Variants in JAZF1 observed in about 807,000 individuals in gnomAD.
JAZF1 encodes juxtaposed with another zinc finger protein 1.
JAZF1 carries 8 observed loss-of-function variants against 26.4 expected under a neutral mutation model. The ratio of observed to expected loss-of-function variants is 0.30; its 90% CI spans 0.18 to 0.55. The LOEUF (loss-of-function observed/expected upper bound fraction) is 0.55. JAZF1 is among the 20% of genes least tolerant of loss of function. The pLI is 0.94. For missense variants in JAZF1, 199 were observed against 322.0 expected, an observed-to-expected ratio of 0.62 and a Z score of 2.92; for synonymous variants, 126 against 122.3, an observed-to-expected ratio of 1.03 and a Z score of -0.20.
chr7:27,996,688 C>T (rs1202022335), intron 1 of JAZF1, among the ~76,000 whole-genome samples: 1 of 152,208 alleles, frequency 6.6e-6, no homozygotes, highest in Non-Finnish European at 1.5e-5. Flanking sequence ...TCCTCTTCCT[C>T]ACTCTGCACC....
intron 2 of JAZF1, among the ~76,000 whole-genome samples, chr7:27,959,160 C>T (rs1418844274): frequency 6.6e-6 from 1 of 152,210 alleles, no homozygotes; most frequent in East Asian, 1.9e-4. Context: ...CTGTCCAAGG[C>T]CACACACAGA....
chr7:28,043,307 T>C (rs1583526663), intron 1 of JAZF1, among the ~76,000 whole-genome samples: 1 of 152,156 alleles, frequency 6.6e-6, no homozygotes, highest in East Asian at 1.9e-4. Context: ...ATGCCAACTG[T>C]TGTGAGTCTG....
intron 1 of JAZF1, among the ~76,000 whole-genome samples, chr7:28,108,810 A>G (rs986132560): frequency 2.6e-5 from 4 of 152,244 alleles, no homozygotes; most frequent in African/African-American, 9.6e-5. Context: ...CTAAGTGTCC[A>G]TCGATGGATA....
At chr7:28,066,745 T>A (rs866874422) in intron 1 of JAZF1, among the ~76,000 whole-genome samples, 21 of 152,120 alleles carry the variant, frequency 1.4e-4, no homozygotes, top group African/African-American at 4.3e-4. Flanking sequence ...AGCTCACGGT[T>A]ACCACCTAAT....
At chr7:28,087,099 G>A (rs982717825) in intron 1 of JAZF1, among the ~76,000 whole-genome samples, 1 of 152,122 alleles carries the variant, frequency 6.6e-6, no homozygotes, top group African/African-American at 2.4e-5. Context: ...ACTGACCTAA[G>A]TAGGTTTTTA....
intron 2 of JAZF1, among the ~76,000 whole-genome samples, chr7:27,986,652 T>TCC (rs1785717855): frequency 4.8e-5 from 5 of 103,888 alleles, no homozygotes; most frequent in Non-Finnish European, 8.0e-5. Flanking sequence ...CCTCCCCCTC[T>TCC]CCCTCCCTCT....
intron 3 of JAZF1, among the ~76,000 whole-genome samples, chr7:27,857,324 C>T (rs1181117204): frequency 6.6e-6 from 1 of 152,342 alleles, no homozygotes; most frequent in East Asian, 1.9e-4. Flanking sequence ...CCGCCGAGCC[C>T]ACGCCCACCC....
At chr7:27,962,705 AG>A (rs965226372) in intron 2 of JAZF1, among the ~76,000 whole-genome samples, 6 of 152,246 alleles carry the variant, frequency 3.9e-5, no homozygotes, top group Non-Finnish European at 8.8e-5. Flanking sequence ...AAGATATGCA[AG>A]GGCTTCCCTA....
chr7:27,961,375 A>G (rs1357878762), intron 2 of JAZF1, among the ~76,000 whole-genome samples: 1 of 152,230 alleles, frequency 6.6e-6, no homozygotes, highest in Non-Finnish European at 1.5e-5. Flanking sequence ...TGATGTGTAT[A>G]TGAAACGTAA....
chr7:27,850,480 C>T (rs966995867), intron 3 of JAZF1, among the ~76,000 whole-genome samples: 3 of 152,130 alleles, frequency 2.0e-5, no homozygotes, highest in East Asian at 3.8e-4. Context: ...ATTGCCAGCC[C>T]GGTGTTGGAT....
At chr7:27,950,398 C>G (rs139078265) in intron 2 of JAZF1, among the ~76,000 whole-genome samples, 213 of 152,270 alleles carry the variant, frequency 1.4e-3, no homozygotes, top group African/African-American at 4.8e-3. Flanking sequence ...GATCCATTGC[C>G]TTGGAATGCC....
chr7:27,904,565 A>C (rs1009236779), intron 2 of JAZF1, among the ~76,000 whole-genome samples: 1 of 152,210 alleles, frequency 6.6e-6, no homozygotes. Context: ...TAATGCTTTA[A>C]ATAATCCTAT....
Position 28,111,710 on chromosome 7 carries a change from T to C in JAZF1, c.115+68753A>G, listed in dbSNP as rs1784663805. On this transcript the variant is annotated intron_variant, in intron 1 of 4. Transcript: ENST00000283928. Reference sequence around the variant, plus strand: ...TACTTATTATTAGCATAGATACCTATGGATCAGAAAACCTAATAACAACAA... The same window carrying C: ...TACTTATTATTAGCATAGATACCTACGGATCAGAAAACCTAATAACAACAA... Among the ~76,000 whole-genome samples, 3 of 152,234 alleles carry C rather than the reference T, an allele frequency of 2.0e-5. No individual in the cohort carries two copies. The South Asian group carries it at 6.2e-4, about 31-fold the overall frequency.
intron 1 of JAZF1, among the ~76,000 whole-genome samples, chr7:28,085,099 C>T (rs1784193922): frequency 6.6e-6 from 1 of 152,140 alleles, no homozygotes; most frequent in Non-Finnish European, 1.5e-5. Flanking sequence ...TATAAATTAC[C>T]CAGTATCATG....
chr7:27,980,193 T>C (rs911541504), intron 2 of JAZF1, among the ~76,000 whole-genome samples: 1 of 152,210 alleles, frequency 6.6e-6, no homozygotes, highest in Admixed American at 6.5e-5. Context: ...CTGTGTAGGT[T>C]TGAACCCAAT....
chr7:27,875,324 C>T (rs1191831528), intron 3 of JAZF1, among the ~76,000 whole-genome samples: 2 of 152,154 alleles, frequency 1.3e-5, no homozygotes. Context: ...CCTCTTTCCT[C>T]GGCACAGCTG....
intron 1 of JAZF1, among the ~76,000 whole-genome samples, chr7:28,035,570 T>G (rs1783278156): frequency 6.6e-6 from 1 of 151,886 alleles, no homozygotes; most frequent in Non-Finnish European, 1.5e-5. Context: ...GAGCCCTTTC[T>G]CCTAATGGAT....
At chr7:27,980,449 G>A (rs528548109) in intron 2 of JAZF1, among the ~76,000 whole-genome samples, 29 of 151,846 alleles carry the variant, frequency 1.9e-4, no homozygotes, top group Non-Finnish European at 4.3e-4. Flanking sequence ...ATTTTAAATA[G>A]GTATATAAAG....
chr7:27,970,487 A>G (rs1583486118), intron 2 of JAZF1, among the ~76,000 whole-genome samples: 1 of 152,338 alleles, frequency 6.6e-6, no homozygotes, highest in South Asian at 2.1e-4. Context: ...TTACATCATT[A>G]CTTTCAAGTA....
Sources: allele counts gnomAD v4.1 joint callset (sites outside exome capture counted in the v4.1 genomes callset), GRCh38; gene constraint gnomAD v4.1.1; transcripts MANE v1.5; gene names NCBI Gene and HGNC (gene_info 2026-07-23, HGNC 2026-07-21).